The following KATNAL2 variants were observed in gnomAD, a reference collection of about 807,000 sequenced individuals.
KATNAL2 encodes katanin catalytic subunit A1 like 2.
A neutral mutation model predicts 76.3 loss-of-function variants in KATNAL2; 52 were observed. That is an observed-to-expected ratio of 0.68 (90% confidence interval 0.55 to 0.86). The LOEUF (loss-of-function observed/expected upper bound fraction) is 0.86, where lower values mean the gene tolerates loss of function less well. Among genes scored for constraint, KATNAL2 ranks in the 40% least tolerant of loss-of-function variants. The probability of loss-of-function intolerance (pLI) is 0.00; values close to 1 mark genes in which losing one functional copy is unlikely to be tolerated. For synonymous variants in KATNAL2, 243 were observed against 244.2 expected, an observed-to-expected ratio of 1.00 and a Z score of 0.05; for missense variants, 660 against 668.9, an observed-to-expected ratio of 0.99 and a Z score of 0.15.
At chr18:47,066,522 A>T (rs2061797839) in intron 10 of KATNAL2, among the ~76,000 whole-genome samples, 1 of 152,166 alleles carries the variant, frequency 6.6e-6, no homozygotes, top group South Asian at 2.1e-4. Flanking sequence ...GTTTCAGAGG[A>T]GCATTATCTC....
chr18:47,046,324 A>G (rs1475545199), intron 3 of KATNAL2, 133 bp from the exon 4 acceptor site: 8 of 642,838 alleles, frequency 1.2e-5, no homozygotes, highest in Non-Finnish European at 2.2e-5. Flanking sequence ...GTCCTTAGAG[A>G]CTTCAAATTG....
At chr18:47,099,099 TCC>T (rs1212013199) in intron 15 of KATNAL2, 142 bp from the exon 16 acceptor site, 24 of 680,954 alleles carry the variant, frequency 3.5e-5, no homozygotes, top group Non-Finnish European at 5.3e-5. Flanking sequence ...ATATTAATTG[TCC>T]CATCCACTCA....
chr18:46,950,979 C>G (rs1414089168), intron 3 of KATNAL2, among the ~76,000 whole-genome samples: 1 of 152,076 alleles, frequency 6.6e-6, no homozygotes. Flanking sequence ...CCACCGTGCC[C>G]GGCGATGTTC....
chr18:47,095,775 C>T (rs1360918840), intron 15 of KATNAL2, among the ~76,000 whole-genome samples: 2 of 152,214 alleles, frequency 1.3e-5, no homozygotes, highest in South Asian at 2.1e-4. Flanking sequence ...AGGGGAACAG[C>T]ATCATTCTTG....
chr18:46,957,566 T>A (rs2059801087), intron 3 of KATNAL2, among the ~76,000 whole-genome samples: 1 of 135,218 alleles, frequency 7.4e-6, no homozygotes, highest in Non-Finnish European at 1.6e-5. Context: ...TTTTTTTTTT[T>A]TTTTTTTTTT....
intron 3 of KATNAL2, among the ~76,000 whole-genome samples, chr18:46,951,237 T>C (rs1434576649): frequency 6.6e-6 from 1 of 152,150 alleles, no homozygotes; most frequent in Non-Finnish European, 1.5e-5. Flanking sequence ...TGCACTTTGG[T>C]TATATTTTAT....
chr18:46,923,089 G>A (rs1000127642), intron 1 of KATNAL2, among the ~76,000 whole-genome samples: 1 of 147,526 alleles, frequency 6.8e-6, no homozygotes, highest in Non-Finnish European at 1.5e-5. Context: ...TATACTTTAA[G>A]TTTTAGGGTA....
At chr18:46,921,272 C>T (rs186287679) in intron 1 of KATNAL2, among the ~76,000 whole-genome samples, 1 of 152,244 alleles carries the variant, frequency 6.6e-6, no homozygotes, top group East Asian at 1.9e-4. Context: ...GGATTACAGG[C>T]ACCCGCCACC....
intron 3 of KATNAL2, among the ~76,000 whole-genome samples, chr18:46,960,690 G>T (rs1465836052): frequency 6.6e-6 from 1 of 152,204 alleles, no homozygotes; most frequent in Non-Finnish European, 1.5e-5. Context: ...GGACAGAAGA[G>T]CATTTAGTAG....
rs1188934136 is a variant in KATNAL2, at chr18:47,052,838, C to T, written c.123-42C>T. On this transcript the variant is annotated intron_variant, in intron 4 of 17. Coordinates refer to ENST00000683218, the MANE Select transcript of KATNAL2 (RefSeq NM_001387690.1). ...AATGCCTGTTAGCCATTATTCTTTT[C>T]ACCTCAGTTAATTTCTTCTTTTTAT... 2.0e-6 allele frequency: 3 copies of T among 1,466,134 alleles called. No homozygotes were observed. The Admixed American group carries it at 6.7e-5, about 33-fold the overall frequency. The allele number at this position is 1,466,134 out of a possible 1,614,324, so 90.8% of individuals were successfully genotyped here. A position where few individuals can be genotyped will look rare whatever the true frequency, so the allele number is the denominator to read the frequency against.
At chr18:47,042,777 A>G (rs929744343) in intron 3 of KATNAL2, among the ~76,000 whole-genome samples, 1 of 152,204 alleles carries the variant, frequency 6.6e-6, no homozygotes, top group African/African-American at 2.4e-5. Context: ...ATAAAAATAA[A>G]CCAGAGAAAA....
intron 4 of KATNAL2, among the ~76,000 whole-genome samples, chr18:47,047,871 G>C (rs1309280711): frequency 6.6e-6 from 1 of 152,120 alleles, no homozygotes; most frequent in African/African-American, 2.4e-5. Context: ...ACCATGTCCA[G>C]CTAATATTTA....
chr18:46,918,387 C>T (rs1419521523), intron 1 of KATNAL2, among the ~76,000 whole-genome samples: 1 of 152,152 alleles, frequency 6.6e-6, no homozygotes, highest in Non-Finnish European at 1.5e-5. Flanking sequence ...CCGCCTCTTC[C>T]CACTACCCCT....
chr18:46,950,337 CT>C (rs890465064), intron 3 of KATNAL2, among the ~76,000 whole-genome samples: 1 of 152,024 alleles, frequency 6.6e-6, no homozygotes, highest in Non-Finnish European at 1.5e-5. Flanking sequence ...GAGTAGGGGT[CT>C]GGAGAAGCTG....
At chr18:46,965,582 C>CCCG in intron 3 of KATNAL2, among the ~76,000 whole-genome samples, 1 of 13,854 alleles carries the variant, frequency 7.2e-5, no homozygotes, top group South Asian at 2.2e-3. Flanking sequence ...AGCATCCCCG[C>CCCG]CCCCCCCCCC....
At chr18:46,933,117 G>A (rs536172480) in intron 1 of KATNAL2, among the ~76,000 whole-genome samples, 2 of 152,010 alleles carry the variant, frequency 1.3e-5, no homozygotes, top group Non-Finnish European at 2.9e-5. Context: ...AGGAATTCAA[G>A]GACGATCTCA....
At chr18:46,927,561 T>C (rs564221827) in intron 1 of KATNAL2, among the ~76,000 whole-genome samples, 2 of 152,266 alleles carry the variant, frequency 1.3e-5, no homozygotes, top group South Asian at 4.1e-4. Context: ...CAATTATGTG[T>C]CTTGGAATTG....
At chr18:46,951,619 A>T (rs1279575222) in intron 3 of KATNAL2, among the ~76,000 whole-genome samples, 1 of 151,816 alleles carries the variant, frequency 6.6e-6, no homozygotes, top group Non-Finnish European at 1.5e-5. Flanking sequence ...AAACATATCA[A>T]CCAATAACTA....
chr18:46,922,277 T>C (rs774635797), intron 1 of KATNAL2, among the ~76,000 whole-genome samples: 1 of 151,802 alleles, frequency 6.6e-6, no homozygotes, highest in Non-Finnish European at 1.5e-5. Context: ...TTTGTATCTT[T>C]TGTAGAGACA....
Sources: gnomAD v4.1 joint callset for allele counts (sites outside exome capture counted in the v4.1 genomes callset) on GRCh38, gnomAD v4.1.1 for gene constraint, MANE v1.5 for transcripts, NCBI Gene and HGNC (gene_info 2026-07-23, HGNC 2026-07-21) for gene names.